NEK11: variants seen among roughly 807,000 people sequenced by gnomAD.
NEK11 encodes NIMA related kinase 11, also known as serine/threonine-protein kinase Nek11.
NEK11 carries 72 observed loss-of-function variants against 80.7 expected under a neutral mutation model. The observed-to-expected ratio is 0.89, with a 90% CI of 0.74 to 1.08. The LOEUF (loss-of-function observed/expected upper bound fraction) is 1.08, where lower values mean the gene tolerates loss of function less well. Among genes scored for constraint, NEK11 ranks in the 50% least tolerant of loss-of-function variants. The pLI is 0.00. For missense variants in NEK11, 764 were observed against 763.6 expected (o/e 1.00, Z -0.01); for synonymous variants, 251 against 260.7 (o/e 0.96, Z 0.36).
chr3:131,283,528 G>C (rs2096430286), intron 17 of NEK11, among the ~76,000 whole-genome samples: 1 of 151,244 alleles, frequency 6.6e-6, no homozygotes, highest in African/African-American at 2.4e-5. Context: ...GTGTGTGTGT[G>C]TGTGTGTGTG....
chr3:131,162,609 C>A, intron 11 of NEK11, 82 bp downstream of exon 11: 1 of 1,539,000 alleles, frequency 6.5e-7, no homozygotes. Context: ...AAGCAAAAAC[C>A]AAAACAGGAA....
At chr3:131,212,444 G>A (rs2094663249) in intron 14 of NEK11, among the ~76,000 whole-genome samples, 2 of 152,196 alleles carry the variant, frequency 1.3e-5, no homozygotes, top group African/African-American at 4.8e-5. Flanking sequence ...TCGGGGGTCA[G>A]GGACCCACTT....
chr3:131,042,423 G>A lies in NEK11; in HGVS notation c.170+12545G>A, dbSNP rs182968080. ...CGACCTGGGATGCTGTTGCTTGGTGGGGGGAGGGGTGTTCACCATTACTGA... is the reference window on the plus strand; with the variant it reads ...CGACCTGGGATGCTGTTGCTTGGTGAGGGGAGGGGTGTTCACCATTACTGA... On this transcript the variant is annotated intron_variant, in intron 3 of 17. Transcript: ENST00000383366. 2.0e-5 allele frequency among the ~76,000 whole-genome samples: 3 copies of A among 152,246 alleles called. No individual in the cohort carries two copies. The East Asian group carries it at 5.8e-4, about 29-fold the overall frequency.
intron 17 of NEK11, among the ~76,000 whole-genome samples, chr3:131,342,205 T>C (rs1404152706): frequency 1.3e-5 from 2 of 152,192 alleles, no homozygotes; most frequent in African/African-American, 4.8e-5. Flanking sequence ...TGTTCTGTCT[T>C]TGCCCACCTG....
At chr3:131,190,144 T>C (rs2093738005) in intron 14 of NEK11, among the ~76,000 whole-genome samples, 1 of 152,152 alleles carries the variant, frequency 6.6e-6, no homozygotes, top group South Asian at 2.1e-4. Context: ...CTAGAAATTA[T>C]TTTTTTAAAG....
At chr3:131,192,145 T>C (rs1377169396) in intron 14 of NEK11, among the ~76,000 whole-genome samples, 4 of 152,062 alleles carry the variant, frequency 2.6e-5, no homozygotes, top group African/African-American at 9.7e-5. Context: ...TAGAAATTTC[T>C]CCAAAGAAGA....
chr3:131,037,339 A>G (rs1196001442), intron 3 of NEK11, among the ~76,000 whole-genome samples: 1 of 150,410 alleles, frequency 6.6e-6, no homozygotes, highest in Admixed American at 6.7e-5. Flanking sequence ...GCTGGAGTGC[A>G]GTGGTGTGAT....
At chr3:131,133,382 A>C (rs1164129065) in intron 6 of NEK11, 2 of 422,604 alleles carry the variant, frequency 4.7e-6, no homozygotes, top group African/African-American at 2.1e-5. Flanking sequence ...TGATAGATTC[A>C]AATTTTTATA....
At chr3:131,304,173 T>C (rs1033411617) in intron 17 of NEK11, among the ~76,000 whole-genome samples, 2 of 152,228 alleles carry the variant, frequency 1.3e-5, no homozygotes, top group African/African-American at 2.4e-5. Flanking sequence ...AGCTTTGAAA[T>C]TTTTTCCACA....
intron 13 of NEK11, among the ~76,000 whole-genome samples, chr3:131,169,188 G>A (rs1038560425): frequency 6.6e-6 from 1 of 152,122 alleles, no homozygotes; most frequent in African/African-American, 2.4e-5. Flanking sequence ...TCCCATCTTT[G>A]AGTGCTTTCC....
chr3:131,200,022 G>A (rs946758383), intron 14 of NEK11, among the ~76,000 whole-genome samples: 7 of 152,054 alleles, frequency 4.6e-5, no homozygotes, highest in African/African-American at 9.7e-5. Flanking sequence ...GAAGAATACC[G>A]AGTAACAAAA....
At chr3:131,055,604 C>T (rs2069317474) in intron 3 of NEK11, among the ~76,000 whole-genome samples, 1 of 151,990 alleles carries the variant, frequency 6.6e-6, no homozygotes, top group Admixed American at 6.6e-5. Context: ...GTGGCATATG[C>T]CTGTAGTCCT....
At chr3:131,178,796 A>G (rs2093186191) in intron 14 of NEK11, among the ~76,000 whole-genome samples, 1 of 152,222 alleles carries the variant, frequency 6.6e-6, no homozygotes, top group African/African-American at 2.4e-5. Flanking sequence ...ATACTTTTAT[A>G]TGACTGACAG....
intron 4 of NEK11, among the ~76,000 whole-genome samples, chr3:131,097,063 C>G (rs1217410330): frequency 6.6e-6 from 1 of 151,650 alleles, no homozygotes; most frequent in African/African-American, 2.4e-5. Context: ...AGGACATGAA[C>G]TCATCATTTT....
chr3:131,170,294 T>G (rs2092598517), intron 13 of NEK11, among the ~76,000 whole-genome samples: 1 of 152,222 alleles, frequency 6.6e-6, no homozygotes, highest in Admixed American at 6.5e-5. Context: ...ATGTGGTCTC[T>G]TAGATCTTTT....
chr3:131,069,956 AC>A (rs2072959693), intron 3 of NEK11, among the ~76,000 whole-genome samples: 1 of 150,876 alleles, frequency 6.6e-6, no homozygotes, highest in Non-Finnish European at 1.5e-5. Flanking sequence ...GTGCACATGT[AC>A]CCTAAAACTT....
chr3:131,272,463 C>CTTTTTTTTTTTTTTTTTTTTTTTTT lies in NEK11; in HGVS notation c.1622-1009_1622-985dup, dbSNP rs869304359. ...CTTGCTAATGGGCCAGTTTTAGCTT[C>CTTTTTTTTTTTTTTTTTTTTTTTTT]TTTTTTTTTTTTTTTTTTTTTTTTT... On this transcript the variant is annotated intron_variant, in intron 16 of 17. Transcript: ENST00000383366. Among the ~76,000 whole-genome samples, 8 of 43,900 alleles carry CTTTTTTTTTTTTTTTTTTTTTTTTT rather than the reference C, an allele frequency of 1.8e-4. 2 individuals carry two copies. In the East Asian group the frequency reaches 2.8e-3, roughly 15 times the overall value. The allele number at this position is 43,900 out of a possible 152,430, so 28.8% of individuals were successfully genotyped here.
chr3:131,103,452 G>A (rs890033368), intron 4 of NEK11, among the ~76,000 whole-genome samples: 1 of 152,186 alleles, frequency 6.6e-6, no homozygotes, highest in Non-Finnish European at 1.5e-5. Flanking sequence ...TTTTGTTGTT[G>A]TAGTTTGGGC....
intron 17 of NEK11, among the ~76,000 whole-genome samples, chr3:131,308,378 T>C (rs996158441): frequency 3.9e-5 from 6 of 152,216 alleles, no homozygotes; most frequent in African/African-American, 1.2e-4. Context: ...CTAAAGCAGC[T>C]CAAGGATTTG....
Sources: gnomAD v4.1 joint callset for allele counts (sites outside exome capture counted in the v4.1 genomes callset) on GRCh38, gnomAD v4.1.1 for gene constraint, MANE v1.5 for transcripts, NCBI Gene and HGNC (gene_info 2026-07-23, HGNC 2026-07-21) for gene names.